Variants in SNIP1 observed in about 807,000 individuals in gnomAD.
SNIP1 encodes Smad nuclear interacting protein 1.
SNIP1 carries 23 observed loss-of-function variants against 37.4 expected under a neutral mutation model. The ratio of observed to expected loss-of-function variants is 0.61; its 90% CI spans 0.44 to 0.87. SNIP1 has a LOEUF of 0.87. Ranked by LOEUF, SNIP1 falls within the 40% of genes least tolerant of loss-of-function variation. SNIP1 has a pLI of 0.00. For synonymous variants in SNIP1, 174 were observed against 200.0 expected (o/e 0.87, Z 1.10); for missense variants, 459 against 540.4 (o/e 0.85, Z 1.49).
At chr1:37,550,424 G>A (rs112738998) in intron 2 of SNIP1, among the ~76,000 whole-genome samples, 62 of 152,324 alleles carry the variant, frequency 4.1e-4, no homozygotes, top group African/African-American at 1.4e-3. Flanking sequence ...GCAAAAGATA[G>A]CTGGGCATGG....
At chr1:37,543,034 T>C (rs1285374759) in intron 2 of SNIP1, among the ~76,000 whole-genome samples, 1 of 151,308 alleles carries the variant, frequency 6.6e-6, no homozygotes, top group Non-Finnish European at 1.5e-5. Context: ...CAGTCCAGCC[T>C]TGGCAACAGA....
At chr1:37,545,228 G>A in intron 2 of SNIP1, 1 of 667,800 alleles carries the variant, frequency 1.5e-6, no homozygotes, top group Non-Finnish European at 2.8e-6. Flanking sequence ...GCAAGATGAG[G>A]GCACCCGAAT....
Position 37,538,015 on chromosome 1 carries a change from A to C in SNIP1, c.927-3T>G. 2 of 1,582,234 alleles carry C rather than the reference A, an allele frequency of 1.3e-6. No individual in the cohort carries two copies. Among genetic ancestry groups the C allele is most frequent in the Non-Finnish European group, 1.7e-6 (2 of 1,166,254 alleles). ...CAGCACGGGTATATTCCACAAGCCT[A>C]GCAGAAAAAAAGGAGAAACCTGTGA... is the stretch of plus-strand genomic sequence containing the variant. On this transcript the variant is annotated splice_polypyrimidine_tract_variant and splice_region_variant and intron_variant, in intron 3 of 3. Coordinates refer to ENST00000296215, the MANE Select transcript of SNIP1 (RefSeq NM_024700.4).
At chr1:37,544,521 A>C (rs1483184999) in intron 2 of SNIP1, among the ~76,000 whole-genome samples, 3 of 152,138 alleles carry the variant, frequency 2.0e-5, no homozygotes, top group Non-Finnish European at 4.4e-5. Context: ...ATTCATGTAC[A>C]AAAATGTTGT....
intron 2 of SNIP1, among the ~76,000 whole-genome samples, chr1:37,542,406 A>G (rs1257883883): frequency 6.6e-6 from 1 of 152,254 alleles, no homozygotes; most frequent in Non-Finnish European, 1.5e-5. Context: ...AGGGGAGACT[A>G]CTGCATATTA....
chr1:37,539,359 G>C (rs1376664539), intron 3 of SNIP1, among the ~76,000 whole-genome samples: 1 of 152,142 alleles, frequency 6.6e-6, no homozygotes, highest in Non-Finnish European at 1.5e-5. Context: ...CTTCTCATCT[G>C]TCAAATGGGG....
Position 37,554,055 on chromosome 1 carries a change from C to G in SNIP1, c.175G>C (p.Glu59Gln), listed in dbSNP as rs945993314. ...CCGCGGTGGCCCGAGCGGGCCGGCT[C>G]GCTGGTCGGCGGAGACGGGCTACCA... ...SGGSPSPPTS[E>Q]PARSGHRGNR... The change falls in exon 1 of 4, where the codon GAG (glutamate) becomes CAG (glutamine). Residue 59 changes from glutamate to glutamine, a missense_variant. By Grantham distance (29) the Glu-to-Gln change is conservative. Transcript: ENST00000296215. The G allele has an allele frequency of 1.4e-5, 23 of 1,591,862 alleles. No homozygotes were observed. Among genetic ancestry groups the G allele is most frequent in the African/African-American group, 9.4e-5 (7 of 74,502 alleles).
At position 37,540,061 on chromosome 1, in the gene SNIP1, G is replaced by A; in HGVS notation, c.926+96C>T. The A allele has an allele frequency of 9.8e-7, 1 of 1,023,190 alleles. No homozygotes were observed. The highest frequency in any genetic ancestry group is 2.2e-4 in the Middle Eastern group (1 of 4,538). 63.4% of individuals were successfully genotyped at this position (1,023,190 alleles called of 1,614,324 possible). On this transcript the variant is annotated intron_variant, in intron 3 of 3. Transcript: ENST00000296215. This position sits in a 1 kb window ranked among gnomAD's most constrained non-coding sequence, Gnocchi z 5.6. Reference sequence around the variant, plus strand: ...TCTTTAGATAACATATGAGGGGTATGGGATTCTTCTGCATAAACATGAACA... The same window carrying A: ...TCTTTAGATAACATATGAGGGGTATAGGATTCTTCTGCATAAACATGAACA...
In SNIP1 at chr1:37,536,613, G is replaced by C. The variant is rs2148111035; in HGVS notation, c.*1135C>G. The C allele has an allele frequency of 6.6e-6, 1 of 152,592 alleles. No individual in the cohort carries two copies. The allele number at this position is 152,592 out of a possible 1,614,324, so 9.5% of individuals were successfully genotyped here. ...AAACCTGCTCTTCAAATGCAGGGAG[G>C]CCTTTGCCTAACATTGTCATATGAA... On this transcript the variant is annotated 3_prime_UTR_variant, in exon 4 of 4. Transcript: ENST00000296215.
rs567363673 is a variant in SNIP1, at chr1:37,536,809, CTTTTT to C, written c.*934_*938del. 3.3e-5 allele frequency: 5 copies of C among 152,320 alleles called. No individual in the cohort carries two copies. The highest frequency in any genetic ancestry group is 1.2e-4 in the African/African-American group (5 of 41,566). The allele number at this position is 152,320 out of a possible 1,614,324, so 9.4% of individuals were successfully genotyped here. ...AGGTAAATACAACCTCTCTCAACAA[CTTTTT>C]AAAGGATGAAATGTGTAGAAACATG... On this transcript the variant is annotated 3_prime_UTR_variant, in exon 4 of 4. Coordinates refer to ENST00000296215, the MANE Select transcript of SNIP1 (RefSeq NM_024700.4).
Position 37,541,830 on chromosome 1 carries a change from A to G in SNIP1, c.328-1075T>C, listed in dbSNP as rs142266584. Among the ~76,000 whole-genome samples, 663 of 152,306 alleles carry G rather than the reference A, an allele frequency of 4.4e-3. 2 individuals carry two copies. The highest frequency in any genetic ancestry group is 0.015 in the African/African-American group (642 of 41,564). ...ACATTTCTGTTCATGTCTTCCACCC[A>G]TAAATGTAATGCCTTTTCCATCTTA... On this transcript the variant is annotated intron_variant, in intron 2 of 3. Coordinates refer to ENST00000296215, the MANE Select transcript of SNIP1 (RefSeq NM_024700.4).
chr1:37,551,124 AT>A, intron 2 of SNIP1, among the ~76,000 whole-genome samples: 1 of 135,064 alleles, frequency 7.4e-6, no homozygotes, highest in Middle Eastern at 3.6e-3. Flanking sequence ...CAAAGAAAAG[AT>A]GTCCAATATC....
intron 2 of SNIP1, among the ~76,000 whole-genome samples, chr1:37,547,616 C>T (rs376666452): frequency 1.3e-5 from 2 of 151,886 alleles, no homozygotes; most frequent in East Asian, 3.9e-4. Flanking sequence ...TGCCTGTAAT[C>T]CTAGCTACTG....
chr1:37,537,767 T>A lies in SNIP1; in HGVS notation c.1172A>T (p.Glu391Val). 1 of 1,609,570 alleles carries A rather than the reference T, an allele frequency of 6.2e-7. No individual in the cohort carries two copies. The highest frequency in any genetic ancestry group is 8.5e-7 in the Non-Finnish European group (1 of 1,177,442). ...RKDDEDEEEE[E>V]EVSDS ...AGTTTGCTAGCTGTCAGACACTTCT[T>A]CCTCCTCCTCCTCATCCTCGTCATC... The change falls in exon 4 of 4, where the codon GAA becomes GTA. Residue 391 changes from glutamate to valine, a missense_variant. Glu to Val is a moderately radical substitution (Grantham distance 121). Transcript: ENST00000296215.
chr1:37,543,681 T>G (rs936732859), intron 2 of SNIP1, among the ~76,000 whole-genome samples: 2 of 151,636 alleles, frequency 1.3e-5, no homozygotes, highest in Non-Finnish European at 2.9e-5. Context: ...AATGCACTGT[T>G]GGGCTTTCAA....
At chr1:37,539,776 C>A (rs2148112509) in intron 3 of SNIP1, among the ~76,000 whole-genome samples, 1 of 152,296 alleles carries the variant, frequency 6.6e-6, no homozygotes, top group South Asian at 2.1e-4. Flanking sequence ...ATGTCCCATG[C>A]AAGCTATCAA....
chr1:37,538,082 T>G, intron 3 of SNIP1, 70 bp from the exon 4 acceptor site: 1 of 1,494,488 alleles, frequency 6.7e-7, no homozygotes, highest in East Asian at 2.3e-5. Context: ...CTAAAGCTCT[T>G]TGCTAAGATA....
At chr1:37,538,378 G>A (rs1039232836) in intron 3 of SNIP1, among the ~76,000 whole-genome samples, 8 of 151,896 alleles carry the variant, frequency 5.3e-5, no homozygotes, top group African/African-American at 9.7e-5. Context: ...GTATGGTGGC[G>A]GGCGCCTGTG....
Position 37,553,987 on chromosome 1 carries a change from G to A in SNIP1, c.224+19C>T. On this transcript the variant is annotated intron_variant, in intron 1 of 3. Coordinates refer to ENST00000296215, the MANE Select transcript of SNIP1 (RefSeq NM_024700.4). ...ATGAGCCCAACCCAATGTCCATCCT[G>A]GACTGCTCCCCCACTTACCGGCTAA... 6.4e-7 allele frequency: 1 copy of A among 1,551,412 alleles called. No individual in the cohort carries two copies. The highest frequency in any genetic ancestry group is 1.2e-5 in the South Asian group (1 of 84,554).
Sources: gnomAD v4.1 joint callset for allele counts (sites outside exome capture counted in the v4.1 genomes callset) on GRCh38, gnomAD v4.1.1 for gene constraint, Gnocchi (gnomAD v3.1) non-coding constraint, MANE v1.5 for transcripts, NCBI Gene and HGNC (gene_info 2026-07-23, HGNC 2026-07-21) for gene names.